C1QTNF3: variants seen among roughly 807,000 people sequenced by gnomAD.
The protein encoded by C1QTNF3 is complement C1q tumor necrosis factor-related protein 3.
A neutral mutation model predicts 32.6 loss-of-function variants in C1QTNF3; 26 were observed. The ratio of observed to expected loss-of-function variants is 0.80; its 90% CI spans 0.58 to 1.11. The LOEUF (loss-of-function observed/expected upper bound fraction) is 1.11, where lower values mean the gene tolerates loss of function less well. C1QTNF3 is among the 50% of genes least tolerant of loss of function. The probability of loss-of-function intolerance (pLI) is 0.00; values close to 1 mark genes in which losing one functional copy is unlikely to be tolerated. For missense variants in C1QTNF3, 362 were observed against 398.2 expected (o/e 0.91, Z 0.77); for synonymous variants, 155 against 146.0 (o/e 1.06, Z -0.44).
chr5:34,205,258 G>A, the C1QTNF3 span, among the ~76,000 whole-genome samples: 46 of 152,254 alleles, frequency 3.0e-4, no homozygotes, highest in African/African-American at 1.1e-3. Context: ...ATACAGGAAG[G>A]CACTGATGCT....
the C1QTNF3 span, among the ~76,000 whole-genome samples, chr5:34,103,480 C>G: frequency 0.012 from 1,745 of 150,304 alleles, 17 homozygotes; most frequent in South Asian, 0.027. Flanking sequence ...ATATTCACAG[C>G]TTATAATTTG....
At chr5:34,130,048 G>A in the C1QTNF3 span, among the ~76,000 whole-genome samples, 2 of 151,750 alleles carry the variant, frequency 1.3e-5, no homozygotes, top group East Asian at 3.9e-4. Context: ...AATGGCATCT[G>A]GGAGTTCATA....
At chr5:34,163,704 A>G in the C1QTNF3 span, among the ~76,000 whole-genome samples, 1 of 152,222 alleles carries the variant, frequency 6.6e-6, no homozygotes, top group East Asian at 1.9e-4. Context: ...GGTCCCTATT[A>G]TATTTTCAAA....
intron 3 of C1QTNF3, among the ~76,000 whole-genome samples, chr5:34,031,192 A>G (rs1754604284): frequency 6.6e-6 from 1 of 152,216 alleles, no homozygotes; most frequent in Non-Finnish European, 1.5e-5. Context: ...AGTCATTGAA[A>G]CTGAGTGTAA....
chr5:34,055,123 T>C, the C1QTNF3 span, among the ~76,000 whole-genome samples: 4 of 152,224 alleles, frequency 2.6e-5, no homozygotes, highest in Admixed American at 1.3e-4. Context: ...AGTTTGGCTG[T>C]AATGTCACTA....
the C1QTNF3 span, among the ~76,000 whole-genome samples, chr5:34,090,492 G>C: frequency 1.3e-5 from 2 of 150,652 alleles, no homozygotes; most frequent in African/African-American, 4.9e-5. Flanking sequence ...ATTTTTCATA[G>C]AGCAGATACT....
At position 34,033,293 on chromosome 5, in the gene C1QTNF3, G is replaced by C. The variant is rs779601069; in HGVS notation, c.570+11C>G. The C allele has an allele frequency of 9.3e-6, 15 of 1,613,232 alleles. No homozygotes were observed. Among genetic ancestry groups the C allele is most frequent in the Non-Finnish European group, 1.2e-5 (14 of 1,179,786 alleles). On this transcript the variant is annotated intron_variant, in intron 3 of 5. Coordinates refer to ENST00000382065, the MANE Select transcript of C1QTNF3 (RefSeq NM_181435.6). ...GGAAAGCCACCAGGAGATGTACCGAGGATGGTTTACCTGAAGTTCTGGTGG... is the reference window on the plus strand; with the variant it reads ...GGAAAGCCACCAGGAGATGTACCGACGATGGTTTACCTGAAGTTCTGGTGG...
At chr5:34,039,024 C>T (rs545523308) in intron 1 of C1QTNF3, among the ~76,000 whole-genome samples, 46 of 152,226 alleles carry the variant, frequency 3.0e-4, no homozygotes, top group African/African-American at 1.0e-3. Context: ...TCAGGAGTTG[C>T]GCAAGTGGGC....
the C1QTNF3 span, among the ~76,000 whole-genome samples, chr5:34,053,981 A>G: frequency 6.6e-6 from 1 of 152,098 alleles, no homozygotes; most frequent in African/African-American, 2.4e-5. Flanking sequence ...TCCTATTAAG[A>G]CTTCCCTGAT....
At chr5:34,194,605 C>T in the C1QTNF3 span, among the ~76,000 whole-genome samples, 9 of 152,084 alleles carry the variant, frequency 5.9e-5, no homozygotes, top group African/African-American at 2.2e-4. Flanking sequence ...CTGTATAACT[C>T]ACTTTGCCCC....
At chr5:34,224,180 T>G in the C1QTNF3 span, among the ~76,000 whole-genome samples, 5 of 152,206 alleles carry the variant, frequency 3.3e-5, no homozygotes, top group Admixed American at 6.5e-5. Flanking sequence ...GAACATTCCA[T>G]GCTCATGGGT....
At chr5:34,074,830 A>G in the C1QTNF3 span, among the ~76,000 whole-genome samples, 2 of 151,816 alleles carry the variant, frequency 1.3e-5, no homozygotes, top group Admixed American at 6.5e-5. Context: ...AAAAGAGAAA[A>G]GAGAGAGAGA....
the C1QTNF3 span, among the ~76,000 whole-genome samples, chr5:34,146,991 A>G: frequency 1.3e-5 from 2 of 152,202 alleles, no homozygotes; most frequent in Non-Finnish European, 2.9e-5. Context: ...AATCTCAATA[A>G]ATAGGCAATA....
the C1QTNF3 span, among the ~76,000 whole-genome samples, chr5:34,063,074 T>G: frequency 6.6e-6 from 1 of 152,206 alleles, no homozygotes; most frequent in Non-Finnish European, 1.5e-5. Context: ...GGCTAAGCCC[T>G]TGTTTACACT....
chr5:34,063,297 C>CCT, the C1QTNF3 span, among the ~76,000 whole-genome samples: 89,974 of 149,994 alleles, frequency 0.6, 27,111 homozygotes, highest in Non-Finnish European at 0.63. Context: ...CCCTCTCTCT[C>CCT]CTCTCTCTCT....
chr5:34,058,727 C>T, the C1QTNF3 span, among the ~76,000 whole-genome samples: 2 of 152,154 alleles, frequency 1.3e-5, no homozygotes, highest in African/African-American at 2.4e-5. Flanking sequence ...TTAGGTTGCA[C>T]AAAGTAGACT....
chr5:34,156,216 G>A, the C1QTNF3 span, among the ~76,000 whole-genome samples: 1,644 of 151,954 alleles, frequency 0.011, 28 homozygotes, highest in African/African-American at 0.037. Context: ...GATTACAGGC[G>A]CCCACCACCA....
chr5:34,077,281 T>A, the C1QTNF3 span, among the ~76,000 whole-genome samples: 1 of 151,746 alleles, frequency 6.6e-6, no homozygotes, highest in African/African-American at 2.4e-5. Flanking sequence ...TAAATGTTGC[T>A]AATAATTATT....
At chr5:34,177,780 C>G in the C1QTNF3 span, among the ~76,000 whole-genome samples, 1 of 151,922 alleles carries the variant, frequency 6.6e-6, no homozygotes, top group Non-Finnish European at 1.5e-5. Flanking sequence ...AGCCACTGCA[C>G]CCAGCCACAA....
Sources: allele counts gnomAD v4.1 joint callset (sites outside exome capture counted in the v4.1 genomes callset), GRCh38; gene constraint gnomAD v4.1.1; transcripts MANE v1.5; gene names NCBI Gene and HGNC (gene_info 2026-07-23, HGNC 2026-07-21).